Variants in LRRC56 observed in about 807,000 individuals in gnomAD.
LRRC56 encodes the protein leucine rich repeat containing 56, also known as leucine-rich repeat-containing protein 56.
A neutral mutation model predicts 47.8 loss-of-function variants in LRRC56; 41 were observed. The ratio of observed to expected loss-of-function variants is 0.86; its 90% CI spans 0.67 to 1.11. The LOEUF (loss-of-function observed/expected upper bound fraction) is 1.11, where lower values mean the gene tolerates loss of function less well. Among genes scored for constraint, LRRC56 ranks in the 50% most tolerant of loss-of-function variants. The pLI is 0.00. For missense variants in LRRC56, 759 were observed against 704.2 expected, an observed-to-expected ratio of 1.08 and a Z score of -0.88; for synonymous variants, 387 against 311.2, an observed-to-expected ratio of 1.24 and a Z score of -2.56.
In LRRC56 at chr11:554,484, G is replaced by T; in HGVS notation, c.*208G>T. The T allele has an allele frequency of 2.2e-6, 1 of 449,976 alleles. No individual in the cohort carries two copies. The highest frequency in any genetic ancestry group is 3.8e-6 in the Non-Finnish European group (1 of 262,766). The allele number at this position is 449,976 out of a possible 1,614,324, so 27.9% of individuals were successfully genotyped here. On this transcript the variant is annotated 3_prime_UTR_variant, in exon 14 of 14. Transcript: ENST00000270115. ...GAACCCAGTTTAGGCCCCCAACTGG[G>T]TTTGGCCTGGGGAGGGAGGGTCCGG... is the stretch of plus-strand genomic sequence containing the variant.
chr11:548,542 C>G (rs1852204315), intron 6 of LRRC56, among the ~76,000 whole-genome samples: 1 of 152,206 alleles, frequency 6.6e-6, no homozygotes, highest in African/African-American at 2.4e-5. Flanking sequence ...ACTGCAACCT[C>G]CACCTCCCCG....
chr11:547,570 T>A (rs1852154627), intron 6 of LRRC56, among the ~76,000 whole-genome samples: 1 of 151,394 alleles, frequency 6.6e-6, no homozygotes, highest in African/African-American at 2.4e-5. Context: ...GCCAGGATGG[T>A]CTCGATCTCC....
At chr11:523,217 C>T in the LRRC56 span, among the ~76,000 whole-genome samples, 1 of 151,954 alleles carries the variant, frequency 6.6e-6, no homozygotes, top group African/African-American at 2.4e-5. Context: ...TTAGTAGAGG[C>T]AGAGTTTCAC....
chr11:515,576 A>G, the LRRC56 span, among the ~76,000 whole-genome samples: 1 of 152,180 alleles, frequency 6.6e-6, no homozygotes, highest in Non-Finnish European at 1.5e-5. Flanking sequence ...CAGTGCTCAC[A>G]CCTGTAATCC....
intron 6 of LRRC56, among the ~76,000 whole-genome samples, chr11:546,361 G>T (rs1285480077): frequency 1.3e-5 from 2 of 152,126 alleles, no homozygotes; most frequent in Admixed American, 1.3e-4. Flanking sequence ...GAGGTCAGGA[G>T]ATTGAGACCA....
chr11:532,854 C>T (rs1268725273), upstream of LRRC56: 20 of 1,206,516 alleles, frequency 1.7e-5, no homozygotes, highest in Non-Finnish European at 3.6e-6. Context: ...TGGCCCGAAG[C>T]TCCCGACTCC....
chr11:506,846 G>T, the LRRC56 span: 1 of 152,296 alleles, frequency 6.6e-6, no homozygotes, highest in Non-Finnish European at 1.5e-5. Flanking sequence ...AGGACTTCCG[G>T]CAAGCCCCAA....
chr11:546,840 CAGG>C (rs1322340670), intron 6 of LRRC56, among the ~76,000 whole-genome samples: 1 of 151,844 alleles, frequency 6.6e-6, no homozygotes, highest in Non-Finnish European at 1.5e-5. Flanking sequence ...ATCACGAGGT[CAGG>C]AGTTCAAGAT....
chr11:547,249 A>G (rs1852129163), intron 6 of LRRC56, among the ~76,000 whole-genome samples: 1 of 152,080 alleles, frequency 6.6e-6, no homozygotes, highest in Non-Finnish European at 1.5e-5. Flanking sequence ...CGTAAAAAAC[A>G]AAAACAAAGA....
At chr11:532,578 G>A, upstream of LRRC56, 2 of 1,579,130 alleles carry the variant, frequency 1.3e-6, no homozygotes, top group East Asian at 4.6e-5. Flanking sequence ...GGCAGGGGCG[G>A]GGAGCCGGGG....
At chr11:518,687 C>G in the LRRC56 span, among the ~76,000 whole-genome samples, 1 of 152,232 alleles carries the variant, frequency 6.6e-6, no homozygotes, top group Admixed American at 6.5e-5. Context: ...GAGGCACGCA[C>G]GAGCCGACAC....
upstream of LRRC56, chr11:535,270 CCCCGCCCGGCCCCACCCA>C (rs1358321279): frequency 1.5e-5 from 2 of 134,836 alleles, no homozygotes; most frequent in South Asian, 1.9e-4. Flanking sequence ...TGCCCGCGGG[CCCCGCCCGGCCCCACCCA>C]CCCGCCGCCG....
the LRRC56 span, among the ~76,000 whole-genome samples, chr11:511,245 C>T: frequency 3.3e-5 from 5 of 149,794 alleles, no homozygotes; most frequent in East Asian, 9.8e-4. Flanking sequence ...GGCGTGAACC[C>T]GGGAGGCGGA....
upstream of LRRC56, chr11:537,263 G>A (rs1851551402): frequency 6.6e-6 from 1 of 152,256 alleles, no homozygotes; most frequent in Non-Finnish European, 1.5e-5. Flanking sequence ...CGGAGCCGCA[G>A]GAAGCTGGCA....
At chr11:519,240 T>G in the LRRC56 span, among the ~76,000 whole-genome samples, 2 of 147,406 alleles carry the variant, frequency 1.4e-5, no homozygotes, top group African/African-American at 4.9e-5. Flanking sequence ...TAAAGGAACG[T>G]GGCCTGATAC....
At chr11:533,536 G>A (rs369106578), upstream of LRRC56, 28 of 1,613,748 alleles carry the variant, frequency 1.7e-5, no homozygotes, top group East Asian at 2.2e-5. Context: ...TCCACAGTGC[G>A]TGCAGCCAGG....
intron 2 of LRRC56, among the ~76,000 whole-genome samples, 192 bp from the exon 3 acceptor site, chr11:539,388 T>C (rs1444902322): frequency 8.4e-6 from 1 of 118,538 alleles, no homozygotes; most frequent in Non-Finnish European, 1.8e-5. Context: ...CCCAGCCTTT[T>C]TTTTTTTTTT....
the LRRC56 span, among the ~76,000 whole-genome samples, chr11:514,579 C>T: frequency 7.9e-6 from 1 of 126,630 alleles, no homozygotes; most frequent in Admixed American, 8.0e-5. Context: ...CTGTGCCCAG[C>T]CTATTATTAT....
At chr11:533,474 C>G (rs1226399807), upstream of LRRC56, 1 of 1,613,508 alleles carries the variant, frequency 6.2e-7, no homozygotes, top group Admixed American at 1.7e-5. Context: ...TGGCCGAGGT[C>G]TCGATGTAGG....
Sources: allele counts gnomAD v4.1 joint callset (sites outside exome capture counted in the v4.1 genomes callset), GRCh38; gene constraint gnomAD v4.1.1; transcripts MANE v1.5; gene names NCBI Gene and HGNC (gene_info 2026-07-23, HGNC 2026-07-21).